Variants in ETFA observed in about 807,000 individuals in gnomAD.
ETFA encodes electron transfer flavoprotein subunit alpha, mitochondrial.
ETFA carries 22 observed loss-of-function variants against 46.2 expected under a neutral mutation model. That is an observed-to-expected ratio of 0.48 (90% CI 0.34 to 0.68). ETFA has a LOEUF of 0.68. Ranked by LOEUF, ETFA falls within the 30% of genes least tolerant of loss-of-function variation. The pLI, the probability that ETFA is intolerant of heterozygous loss-of-function variation, is 0.01. For missense variants in ETFA, 345 were observed against 401.1 expected (o/e 0.86, Z 1.19); for synonymous variants, 131 against 139.9 (o/e 0.94, Z 0.45).
intron 9 of ETFA, among the ~76,000 whole-genome samples, chr15:76,237,209 C>T (rs1212408226): frequency 1.3e-5 from 2 of 152,072 alleles, no homozygotes; most frequent in Admixed American, 1.3e-4. Flanking sequence ...CGTGCCACCT[C>T]GCCCGGCTAA....
At position 76,287,772 on chromosome 15, in the gene ETFA, T is replaced by C. The variant is rs2306830; in HGVS notation, c.451+74A>G. Reference sequence around the variant, plus strand: ...GCAATTGTATGGTTTGATTTAAAATTCTATCTTCAAGATTAATTTATGCTT... The same window carrying C: ...GCAATTGTATGGTTTGATTTAAAATCCTATCTTCAAGATTAATTTATGCTT... On this transcript the variant is annotated intron_variant, in intron 5 of 11. Transcript: ENST00000557943. 1.1e-3 allele frequency: 1,219 copies of C among 1,103,330 alleles called. 19 individuals are homozygous for C. The East Asian group carries it at 0.017, about 15-fold the overall frequency. The allele number at this position is 1,103,330 out of a possible 1,614,324, so 68.3% of individuals were successfully genotyped here.
At chr15:76,287,287 C>T (rs748477368) in intron 5 of ETFA, among the ~76,000 whole-genome samples, 6 of 152,160 alleles carry the variant, frequency 3.9e-5, no homozygotes, top group Non-Finnish European at 7.4e-5. Flanking sequence ...CTCAGCCTCC[C>T]AAGTATCTGT....
At chr15:76,292,856 G>A (rs762283039) in intron 2 of ETFA, among the ~76,000 whole-genome samples, 156 bp from the exon 3 acceptor site, 3 of 152,098 alleles carry the variant, frequency 2.0e-5, no homozygotes, top group Admixed American at 6.6e-5. Context: ...AATATATTCC[G>A]GCCGGGCGCA....
chr15:76,303,776 T>C (rs925326685), intron 1 of ETFA, among the ~76,000 whole-genome samples: 2 of 152,196 alleles, frequency 1.3e-5, no homozygotes, highest in Admixed American at 6.5e-5. Flanking sequence ...GAATGGCTAT[T>C]ATTTAAAACT....
chr15:76,302,583 A>G (rs2039890766), intron 1 of ETFA, among the ~76,000 whole-genome samples: 1 of 152,074 alleles, frequency 6.6e-6, no homozygotes, highest in Admixed American at 6.5e-5. Context: ...ATTCTGTATG[A>G]TATAATAATG....
intron 9 of ETFA, among the ~76,000 whole-genome samples, chr15:76,241,674 C>T (rs2039191281): frequency 1.3e-5 from 2 of 151,022 alleles, no homozygotes; most frequent in Non-Finnish European, 1.5e-5. Flanking sequence ...GGGGGCGGGC[C>T]CCTGTAAGTC....
At chr15:76,281,687 G>A (rs980394102) in intron 8 of ETFA, among the ~76,000 whole-genome samples, 6 of 151,870 alleles carry the variant, frequency 4.0e-5, no homozygotes, top group Admixed American at 2.0e-4. Context: ...AAGCCACCAC[G>A]CCTGGCCCAT....
At chr15:76,224,817 A>T (rs1410252572) in intron 11 of ETFA, among the ~76,000 whole-genome samples, 1 of 152,224 alleles carries the variant, frequency 6.6e-6, no homozygotes, top group East Asian at 1.9e-4. Flanking sequence ...ACGTGTAGGC[A>T]GACCCAGGAA....
chr15:76,311,315 C>T (rs1488457722), intron 1 of ETFA, 35 bp downstream of exon 1: 2 of 1,550,172 alleles, frequency 1.3e-6, no homozygotes, highest in Non-Finnish European at 1.7e-6. Flanking sequence ...TGACGGGGGG[C>T]CGTCCCTGGG....
chr15:76,284,452 C>G, intron 7 of ETFA: 1 of 210,758 alleles, frequency 4.7e-6, no homozygotes, highest in South Asian at 7.6e-5. Flanking sequence ...TGCAGAACCT[C>G]CGTCTCTACT....
intron 9 of ETFA, among the ~76,000 whole-genome samples, chr15:76,270,135 T>C (rs1385013260): frequency 1.3e-5 from 2 of 152,090 alleles, no homozygotes; most frequent in Non-Finnish European, 2.9e-5. Context: ...GAGTGTAAAA[T>C]TGTGCAACCA....
intron 9 of ETFA, among the ~76,000 whole-genome samples, chr15:76,269,544 T>A (rs925349276): frequency 6.6e-6 from 1 of 152,226 alleles, no homozygotes; most frequent in Admixed American, 6.5e-5. Flanking sequence ...CTCCCAGAGC[T>A]TGGGGCCTTT....
intron 10 of ETFA, 47 bp from the exon 11 acceptor site, chr15:76,225,976 C>T (rs1033986567): frequency 5.7e-6 from 6 of 1,058,942 alleles, no homozygotes; most frequent in Middle Eastern, 4.0e-4. Context: ...GAAAACATTT[C>T]ACACAGACTG....
chr15:76,245,864 C>A (rs1350361911), intron 9 of ETFA, among the ~76,000 whole-genome samples: 1 of 152,184 alleles, frequency 6.6e-6, no homozygotes, highest in Non-Finnish European at 1.5e-5. Context: ...ATGGAAACTA[C>A]CACCAAATAC....
chr15:76,245,101 CCA>C (rs555071373), intron 9 of ETFA: 1 of 152,092 alleles, frequency 6.6e-6, no homozygotes, highest in Non-Finnish European at 1.5e-5. Flanking sequence ...TATATACAAA[CCA>C]CAGTTTATAA....
chr15:76,293,006 G>A (rs1208978488), intron 2 of ETFA, among the ~76,000 whole-genome samples: 3 of 152,012 alleles, frequency 2.0e-5, no homozygotes, highest in South Asian at 4.2e-4. Context: ...GCATGGTGGC[G>A]GGCACCTGTA....
chr15:76,217,657 G>A (rs1000066709), intron 11 of ETFA: 1 of 453,688 alleles, frequency 2.2e-6, no homozygotes, highest in Middle Eastern at 3.4e-4. Context: ...TGCTTGGACA[G>A]AGGAGAGCTG....
At chr15:76,299,787 G>A (rs1803850587) in intron 1 of ETFA, among the ~76,000 whole-genome samples, 1 of 152,044 alleles carries the variant, frequency 6.6e-6, no homozygotes, top group African/African-American at 2.4e-5. Context: ...TTTCTCCTGG[G>A]TCTAATCCCT....
At chr15:76,289,811 G>A (rs1470781445) in intron 4 of ETFA, among the ~76,000 whole-genome samples, 7 of 152,124 alleles carry the variant, frequency 4.6e-5, no homozygotes, top group Admixed American at 1.3e-4. Context: ...CAGGCCGCAC[G>A]ACCAGCTACT....
Sources: allele counts gnomAD v4.1 joint callset (sites outside exome capture counted in the v4.1 genomes callset), GRCh38; gene constraint gnomAD v4.1.1; transcripts MANE v1.5; gene names NCBI Gene and HGNC (gene_info 2026-07-23, HGNC 2026-07-21).